The following KCNN2 variants were observed in gnomAD, a reference collection of about 807,000 sequenced individuals.
KCNN2 encodes small conductance calcium-activated potassium channel protein 2.
Under a neutral mutation model 55.5 loss-of-function variants are expected in KCNN2, and 24 were observed. That is an observed-to-expected ratio of 0.43 (90% CI 0.31 to 0.61). The LOEUF (loss-of-function observed/expected upper bound fraction) is 0.61, where lower values mean the gene tolerates loss of function less well. Ranked by LOEUF, KCNN2 falls within the 20% of genes least tolerant of loss-of-function variation. KCNN2 has a pLI of 0.08. For synonymous variants in KCNN2, 431 were observed against 336.1 expected, an observed-to-expected ratio of 1.28 and a Z score of -3.09; for missense variants, 754 against 853.6, an observed-to-expected ratio of 0.88 and a Z score of 1.45.
chr5:114,367,938 G>T (rs1757650917), intron 2 of KCNN2, among the ~76,000 whole-genome samples: 1 of 152,214 alleles, frequency 6.6e-6, no homozygotes, highest in Non-Finnish European at 1.5e-5. Context: ...GGTCCTGGAA[G>T]AATGGCAGAT....
At chr5:114,458,293 G>A (rs1218450138) in intron 3 of KCNN2, among the ~76,000 whole-genome samples, 1 of 152,094 alleles carries the variant, frequency 6.6e-6, no homozygotes, top group East Asian at 1.9e-4. Context: ...TAATAGAAAA[G>A]GATTAATGAA....
At chr5:114,402,923 A>G (rs7730701) in intron 2 of KCNN2, among the ~76,000 whole-genome samples, 105 of 152,312 alleles carry the variant, frequency 6.9e-4, no homozygotes, top group African/African-American at 2.5e-3. Context: ...GAACCAGCCT[A>G]GTTAGGGAAG....
intron 2 of KCNN2, among the ~76,000 whole-genome samples, chr5:114,247,519 G>T (rs1362789245): frequency 6.6e-6 from 1 of 152,150 alleles, no homozygotes; most frequent in African/African-American, 2.4e-5. Context: ...AATTTCTAAA[G>T]ACTTTTTAAA....
At chr5:114,265,974 G>A (rs1755202017) in intron 2 of KCNN2, among the ~76,000 whole-genome samples, 1 of 152,124 alleles carries the variant, frequency 6.6e-6, no homozygotes. Context: ...CTGTCCATTA[G>A]AGATAGAGGG....
intron 2 of KCNN2, among the ~76,000 whole-genome samples, chr5:114,347,944 G>A (rs1757140882): frequency 6.6e-6 from 1 of 152,112 alleles, no homozygotes; most frequent in African/African-American, 2.4e-5. Context: ...GAGCACTCAG[G>A]TAAGTCTGAT....
chr5:114,424,682 G>C (rs1403177871), intron 3 of KCNN2, among the ~76,000 whole-genome samples: 1 of 152,222 alleles, frequency 6.6e-6, no homozygotes, highest in Non-Finnish European at 1.5e-5. Context: ...CTAGGCTAGT[G>C]GGGAGGGGTC....
chr5:114,194,025 A>G (rs1027045216), intron 1 of KCNN2, among the ~76,000 whole-genome samples: 6 of 152,102 alleles, frequency 3.9e-5, no homozygotes, highest in Admixed American at 3.9e-4. Flanking sequence ...ATCCATTAGC[A>G]GTCACTCCTC....
chr5:114,323,971 A>G (rs932635739), intron 2 of KCNN2, among the ~76,000 whole-genome samples: 1 of 152,114 alleles, frequency 6.6e-6, no homozygotes. Flanking sequence ...GTGATATCTG[A>G]AAGCACATTG....
At chr5:114,442,995 C>G (rs901910814) in intron 3 of KCNN2, among the ~76,000 whole-genome samples, 4 of 151,814 alleles carry the variant, frequency 2.6e-5, no homozygotes. Context: ...AAAGGAGTGA[C>G]TATTTAAATG....
intron 3 of KCNN2, among the ~76,000 whole-genome samples, chr5:114,426,792 C>T (rs997395172): frequency 7.2e-5 from 11 of 152,080 alleles, no homozygotes; most frequent in Non-Finnish European, 1.6e-4. Flanking sequence ...AAGAATCACC[C>T]GGACTGCTCA....
intron 1 of KCNN2, among the ~76,000 whole-genome samples, chr5:114,092,138 A>G (rs780674658): frequency 6.6e-6 from 1 of 152,220 alleles, no homozygotes; most frequent in Non-Finnish European, 1.5e-5. Context: ...GTTACTTACA[A>G]GATATAATTG....
At chr5:114,143,904 A>AT (rs1293910882) in intron 1 of KCNN2, among the ~76,000 whole-genome samples, 2 of 152,200 alleles carry the variant, frequency 1.3e-5, no homozygotes, top group Non-Finnish European at 2.9e-5. Context: ...ACTGAAGAAT[A>AT]TTTTTTCTAG....
intron 2 of KCNN2, among the ~76,000 whole-genome samples, chr5:114,290,375 T>G: frequency 6.6e-6 from 1 of 152,250 alleles, no homozygotes; most frequent in South Asian, 2.1e-4. Context: ...TATATAGAAT[T>G]TGTTGGCATA....
chr5:114,363,269 C>A lies in KCNN2; in HGVS notation c.1122+8C>A. 1 of 1,588,884 alleles carries A rather than the reference C, an allele frequency of 6.3e-7. No homozygotes were observed. Among genetic ancestry groups the A allele is most frequent in the Non-Finnish European group, 8.6e-7 (1 of 1,167,396 alleles). On this transcript the variant is annotated splice_region_variant and intron_variant, in intron 1 of 7. Transcript: ENST00000673685. The stretch of plus-strand genomic sequence containing the variant: ...TGGGGCGCCTACGACAAGGTACAGG[C>A]TTGAACCCCAGCCCACGCTACCGGA...
chr5:114,074,270 A>T (rs1354627114), intron 1 of KCNN2, among the ~76,000 whole-genome samples: 1 of 149,132 alleles, frequency 6.7e-6, no homozygotes, highest in African/African-American at 2.5e-5. Context: ...CTAATTTCTT[A>T]TGAATTTTAA....
chr5:114,445,241 G>A (rs989301846), intron 3 of KCNN2, among the ~76,000 whole-genome samples: 10 of 152,150 alleles, frequency 6.6e-5, no homozygotes, highest in Non-Finnish European at 1.3e-4. Flanking sequence ...ATGATAAAGT[G>A]TATGTAAATT....
At position 114,363,097 on chromosome 5, in the gene KCNN2, A is replaced by C; in HGVS notation, c.958A>C (p.Lys320Gln). ...GSGHGSSSGT[K>Q]SSKKKNQNIG... Reference sequence around the variant, plus strand: ...CGGGCACGGCAGCAGCAGTGGCACCAAGTCCAGCAAAAAGAAAAACCAGAA... The same window carrying C: ...CGGGCACGGCAGCAGCAGTGGCACCCAGTCCAGCAAAAAGAAAAACCAGAA... The change falls in exon 1 of 8, where the codon AAG becomes CAG. Residue 320 changes from lysine (K) to glutamine (Q), a missense_variant. Physicochemically the swap from Lys to Gln is moderately conservative, Grantham distance 53. Around this residue, in one of 4 missense-constraint regions of KCNN2, gnomAD observed 381 missense variants for 259.1 expected, o/e 1.47. Coordinates refer to ENST00000673685, the MANE Select transcript of KCNN2 (RefSeq NM_021614.4). 1 of 1,612,636 alleles carries C rather than the reference A, an allele frequency of 6.2e-7. No individual in the cohort carries two copies. Among genetic ancestry groups the C allele is most frequent in the Non-Finnish European group, 8.5e-7 (1 of 1,179,906 alleles).
intron 1 of KCNN2, among the ~76,000 whole-genome samples, chr5:114,098,934 C>A (rs113354952): frequency 1.4e-4 from 21 of 152,134 alleles, no homozygotes; most frequent in African/African-American, 4.8e-4. Flanking sequence ...GAACCAAGTA[C>A]TCCACATCCT....
At chr5:114,382,371 A>T (rs1376214108) in intron 2 of KCNN2, among the ~76,000 whole-genome samples, 1 of 152,134 alleles carries the variant, frequency 6.6e-6, no homozygotes, top group African/African-American at 2.4e-5. Context: ...AAATAAAGTA[A>T]ATTTTTGTCT....
Sources: gnomAD v4.1 joint callset for allele counts (sites outside exome capture counted in the v4.1 genomes callset) on GRCh38, gnomAD v4.1.1 for gene constraint, gnomAD v4.1.1 regional missense constraint, MANE v1.5 for transcripts, NCBI Gene and HGNC (gene_info 2026-07-23, HGNC 2026-07-21) for gene names.